DPP10: variants seen among roughly 807,000 people sequenced by gnomAD.
DPP10 encodes the protein inactive dipeptidyl peptidase 10.
Under a neutral mutation model 120.9 loss-of-function variants are expected in DPP10, and 33 were observed. The observed-to-expected ratio is 0.27, with a 90% confidence interval of 0.21 to 0.37. The LOEUF (loss-of-function observed/expected upper bound fraction) is 0.37, where lower values mean the gene tolerates loss of function less well. Ranked by LOEUF, DPP10 falls within the 10% of genes least tolerant of loss-of-function variation. The probability of loss-of-function intolerance (pLI) is 1.00; values close to 1 mark genes in which losing one functional copy is unlikely to be tolerated. For synonymous variants in DPP10, 337 were observed against 326.1 expected (o/e 1.03, Z -0.36); for missense variants, 816 against 942.8 (o/e 0.87, Z 1.76).
Position 115,591,460 on chromosome 2 carries a change from G to A in DPP10, c.441+65488G>A, listed in dbSNP as rs142767467. On this transcript the variant is annotated intron_variant, in intron 5 of 25. Transcript: ENST00000410059. ...TGTCAGGTTTTTCAAAGATCAGATGGTTGTAGATGTGTGGTATTATTTCTG... is the reference window on the plus strand; with the variant it reads ...TGTCAGGTTTTTCAAAGATCAGATGATTGTAGATGTGTGGTATTATTTCTG... 6.9e-3 allele frequency among the ~76,000 whole-genome samples: 1,054 copies of A among 152,258 alleles called. 14 individuals are homozygous for A. Among genetic ancestry groups the A allele is most frequent in the African/African-American group, 0.024 (1,001 of 41,548 alleles).
In DPP10 at chr2:115,088,372, G is replaced by A. The variant is rs1708904369; in HGVS notation, c.61-220867G>A. Among the ~76,000 whole-genome samples, 8 of 152,064 alleles carry A rather than the reference G, an allele frequency of 5.3e-5. No individual in the cohort carries two copies. The South Asian group carries it at 1.7e-3, about 32-fold the overall frequency. On this transcript the variant is annotated intron_variant, in intron 1 of 25. Transcript: ENST00000410059. Reference sequence around the variant, plus strand: ...CATAAGGGTTACTATGGTATTATCTGAGAAAAACAAAAATGGTGCTACCTA... The same window carrying A: ...CATAAGGGTTACTATGGTATTATCTAAGAAAAACAAAAATGGTGCTACCTA...
intron 10 of DPP10, among the ~76,000 whole-genome samples, chr2:115,751,170 A>G (rs572176802): frequency 6.6e-6 from 1 of 152,326 alleles, no homozygotes; most frequent in Admixed American, 6.5e-5. Context: ...TCAGCATTTC[A>G]GCACTTATTT....
chr2:114,981,975 A>G (rs1053213779), intron 1 of DPP10, among the ~76,000 whole-genome samples: 2 of 148,242 alleles, frequency 1.3e-5, no homozygotes, highest in African/African-American at 5.0e-5. Context: ...GCTCACTACA[A>G]CTTCCACCTC....
intron 1 of DPP10, among the ~76,000 whole-genome samples, chr2:114,668,457 G>A (rs556566669): frequency 2.6e-5 from 4 of 152,146 alleles, no homozygotes; most frequent in Non-Finnish European, 5.9e-5. Context: ...TGCCTTCTCA[G>A]TCTACTGATT....
intron 7 of DPP10, among the ~76,000 whole-genome samples, chr2:115,722,724 G>A (rs145931357): frequency 1.1e-4 from 16 of 152,168 alleles, no homozygotes; most frequent in South Asian, 2.1e-4. Flanking sequence ...GTCTGTTACC[G>A]ACCAAAACAT....
At chr2:115,028,002 C>T (rs995227742) in intron 1 of DPP10, among the ~76,000 whole-genome samples, 2 of 151,880 alleles carry the variant, frequency 1.3e-5, no homozygotes, top group Non-Finnish European at 2.9e-5. Context: ...CTCTTTTAAT[C>T]TTAGTATAGT....
intron 19 of DPP10, among the ~76,000 whole-genome samples, chr2:115,812,460 G>GAAAC (rs748768597): frequency 1.2e-4 from 19 of 152,126 alleles, no homozygotes; most frequent in East Asian, 3.9e-4. Context: ...CTGGGCAACT[G>GAAAC]AAACAAACAA....
chr2:115,274,341 C>A (rs917633669), intron 1 of DPP10, among the ~76,000 whole-genome samples: 3 of 152,274 alleles, frequency 2.0e-5, no homozygotes, highest in Admixed American at 2.0e-4. Flanking sequence ...GCAGAATTAG[C>A]CATACTTTGA....
At chr2:115,622,506 T>C (rs2085027029) in intron 5 of DPP10, among the ~76,000 whole-genome samples, 2 of 98,842 alleles carry the variant, frequency 2.0e-5, no homozygotes, top group African/African-American at 7.3e-5. Context: ...TTTCATTTTA[T>C]TGTCTTTTTT....
chr2:115,757,419 G>A (rs1247918238), intron 11 of DPP10, among the ~76,000 whole-genome samples: 1 of 152,116 alleles, frequency 6.6e-6, no homozygotes, highest in African/African-American at 2.4e-5. Context: ...CAGAGAGGAA[G>A]AAGTCACATC....
chr2:114,579,613 A>G (rs1018014389), intron 1 of DPP10, among the ~76,000 whole-genome samples: 2 of 152,222 alleles, frequency 1.3e-5, no homozygotes, highest in African/African-American at 4.8e-5. Context: ...GCAGCTATGC[A>G]GAAGCTCTTC....
chr2:115,143,502 G>C (rs1218088914), intron 1 of DPP10, among the ~76,000 whole-genome samples: 1 of 152,186 alleles, frequency 6.6e-6, no homozygotes, highest in African/African-American at 2.4e-5. Context: ...GGAATAAATG[G>C]ATCTGATAAG....
chr2:115,211,577 G>GT (rs202105402), intron 1 of DPP10, among the ~76,000 whole-genome samples: 9,825 of 150,796 alleles, frequency 0.065, 348 homozygotes, highest in Middle Eastern at 0.11. Context: ...TCCTAATAAT[G>GT]TTTTTTTTTC....
At chr2:115,582,420 C>G (rs1311961558) in intron 5 of DPP10, among the ~76,000 whole-genome samples, 1 of 152,174 alleles carries the variant, frequency 6.6e-6, no homozygotes. Flanking sequence ...CTGCTCATCA[C>G]CAGCTTCAGG....
intron 5 of DPP10, among the ~76,000 whole-genome samples, chr2:115,596,693 CT>C (rs2083009747): frequency 6.6e-6 from 1 of 152,018 alleles, no homozygotes; most frequent in Non-Finnish European, 1.5e-5. Flanking sequence ...AACATTTGGC[CT>C]AAATATTGTA....
rs528543208 is a variant in DPP10 at position 114,644,547 on chromosome 2, T to C, written c.60+201709T>C. ...CTGATGGTCTAAGTCAGTGAGACCCTGTTGCCTTGGCCATATCAGAGTCTC... is the reference window on the plus strand; with the variant it reads ...CTGATGGTCTAAGTCAGTGAGACCCCGTTGCCTTGGCCATATCAGAGTCTC... On this transcript the variant is annotated intron_variant, in intron 1 of 25. Coordinates refer to ENST00000410059, the MANE Select transcript of DPP10 (RefSeq NM_020868.6). Among the ~76,000 whole-genome samples, 3 of 152,036 alleles carry C rather than the reference T, an allele frequency of 2.0e-5. No individual in the cohort carries two copies. In the South Asian group the frequency reaches 6.2e-4, roughly 31 times the overall value.
chr2:115,142,924 A>G (rs1472389197), intron 1 of DPP10, among the ~76,000 whole-genome samples: 6 of 151,842 alleles, frequency 4.0e-5, no homozygotes, highest in South Asian at 2.1e-4. Context: ...GGTGTCCTAG[A>G]TTTGTCTAGT....
intron 3 of DPP10, among the ~76,000 whole-genome samples, chr2:115,393,271 C>T (rs2106551773): frequency 6.6e-6 from 1 of 150,886 alleles, no homozygotes; most frequent in East Asian, 2.0e-4. Flanking sequence ...GGAGATTGTG[C>T]CACTGCACTC....
intron 1 of DPP10, among the ~76,000 whole-genome samples, chr2:115,084,176 G>A (rs1708507041): frequency 6.6e-6 from 1 of 152,028 alleles, no homozygotes; most frequent in East Asian, 1.9e-4. Context: ...ATTTCACTTG[G>A]ACTCTGTGAA....
Sources: gnomAD v4.1 joint callset for allele counts (sites outside exome capture counted in the v4.1 genomes callset) on GRCh38, gnomAD v4.1.1 for gene constraint, MANE v1.5 for transcripts, NCBI Gene and HGNC (gene_info 2026-07-23, HGNC 2026-07-21) for gene names.